Variants in AQP1 observed in about 807,000 individuals in gnomAD.
The protein encoded by AQP1 is aquaporin-1.
Under a neutral mutation model 19.7 loss-of-function variants are expected in AQP1, and 11 were observed. That is an observed-to-expected ratio of 0.56 (90% confidence interval 0.35 to 0.92). The LOEUF is 0.92. AQP1 is among the 40% of genes least tolerant of loss of function. AQP1 has a pLI of 0.01. For synonymous variants in AQP1, 159 were observed against 166.7 expected (o/e 0.95, Z 0.36); for missense variants, 320 against 369.7 (o/e 0.87, Z 1.10).
chr7:30,922,794 A>G, intron 3 of AQP1, 150 bp downstream of exon 3: 1 of 810,908 alleles, frequency 1.2e-6, no homozygotes, highest in Non-Finnish European at 2.1e-6. Context: ...ATGTAGAGGC[A>G]GGCTGGGGGT....
chr7:30,922,035 C>T, intron 1 of AQP1, 31 bp from the exon 2 acceptor site: 1 of 1,612,814 alleles, frequency 6.2e-7, no homozygotes, highest in Non-Finnish European at 8.5e-7. Context: ...CTACCCTCCT[C>T]ACCAGTCCTC....
rs1226432651 is a variant in AQP1 at position 30,912,564 on chromosome 7, G to C, written c.384+271G>C. On this transcript the variant is annotated intron_variant, in intron 1 of 3. Transcript: ENST00000311813. This position sits in a 1 kb window ranked among gnomAD's most constrained non-coding sequence, Gnocchi z 4.3. ...TCCCCTGCAGGGCATCTATTATGGGGAATAAGCTTGGCCAGCAGTTCCTCG... is the reference window on the plus strand; with the variant it reads ...TCCCCTGCAGGGCATCTATTATGGGCAATAAGCTTGGCCAGCAGTTCCTCG... Among the ~76,000 whole-genome samples the C allele has an allele frequency of 2.0e-5, 3 of 152,222 alleles. No individual in the cohort carries two copies. The highest frequency in any genetic ancestry group is 4.4e-5 in the Non-Finnish European group (3 of 68,042).
chr7:30,913,719 A>AGCCAACCTCTGCT (rs1791230550), intron 1 of AQP1, among the ~76,000 whole-genome samples: 1 of 152,186 alleles, frequency 6.6e-6, no homozygotes, highest in African/African-American at 2.4e-5. Context: ...CCTCCTCTGC[A>AGCCAACCTCTGCT]GCCAACCTCT....
intron 1 of AQP1, 78 bp from the exon 2 acceptor site, chr7:30,921,988 C>T (rs1791514353): frequency 5.0e-6 from 8 of 1,600,928 alleles, no homozygotes; most frequent in Non-Finnish European, 6.8e-6. Context: ...GCCTGGGAGG[C>T]CTGGGTATCC....
At chr7:30,918,284 G>A (rs761505228) in intron 1 of AQP1, among the ~76,000 whole-genome samples, 45 of 152,268 alleles carry the variant, frequency 3.0e-4, no homozygotes, top group Non-Finnish European at 4.3e-4. Context: ...GAGCCACCGC[G>A]CCTGGCCAGT....
chr7:30,912,389 G>A lies in AQP1; in HGVS notation c.384+96G>A. 6.6e-7 allele frequency: 1 copy of A among 1,524,048 alleles called. No homozygotes were observed. Among genetic ancestry groups the A allele is most frequent in the Non-Finnish European group, 8.8e-7 (1 of 1,131,466 alleles). The allele number at this position is 1,524,048 out of a possible 1,614,324, so 94.4% of individuals were successfully genotyped here. ...CCATTGTGCAGATGGGGACACTGAG[G>A]AACGGAGAGGACAAGAGGTTGCTGG... On this transcript the variant is annotated intron_variant, in intron 1 of 3. Coordinates refer to ENST00000311813, the MANE Select transcript of AQP1 (RefSeq NM_198098.4). The surrounding 1 kb of genome is among the most constrained non-coding windows in gnomAD (Gnocchi z 4.3).
intron 1 of AQP1, among the ~76,000 whole-genome samples, chr7:30,919,707 C>T (rs1791449490): frequency 6.6e-6 from 1 of 152,172 alleles, no homozygotes; most frequent in Non-Finnish European, 1.5e-5. Context: ...GGGTTGTAAA[C>T]AGTAACGTAC....
At chr7:30,921,546 C>G in intron 1 of AQP1, 1 of 1,535,222 alleles carries the variant, frequency 6.5e-7, no homozygotes, top group Non-Finnish European at 8.8e-7. Context: ...GTGGAGGGAG[C>G]CAGGACCTCA....
chr7:30,922,755 G>T, intron 3 of AQP1, 111 bp downstream of exon 3: 1 of 1,158,340 alleles, frequency 8.6e-7, no homozygotes, highest in Non-Finnish European at 1.3e-6. Flanking sequence ...ACAGCCAGAG[G>T]ACAGGAAATC....
chr7:30,914,140 C>A (rs927418566), intron 1 of AQP1, among the ~76,000 whole-genome samples: 1 of 152,206 alleles, frequency 6.6e-6, no homozygotes, highest in Non-Finnish European at 1.5e-5. Flanking sequence ...ACCAGCCTCC[C>A]GTGCCCCATT....
chr7:30,914,741 T>G (rs1271718822), intron 1 of AQP1, among the ~76,000 whole-genome samples: 2 of 150,668 alleles, frequency 1.3e-5, no homozygotes, highest in Non-Finnish European at 3.0e-5. Flanking sequence ...AGTCAAAACC[T>G]GGGTGGGGCA....
At position 30,911,957 on chromosome 7, in the gene AQP1, C is replaced by G. The variant is rs747080951; in HGVS notation, c.48C>G (p.Ala16=). The change falls in exon 1 of 4, where the codon GCC becomes GCG. Residue 16 remains alanine, a synonymous_variant. Coordinates refer to ENST00000311813, the MANE Select transcript of AQP1 (RefSeq NM_198098.4). ...AGCTCTTCTGGAGGGCAGTGGTGGC[C>G]GAGTTCCTGGCCACGACCCTCTTTG... The part of the protein sequence containing the change: ...KKKLFWRAVV[A]EFLATTLFVF... 4.3e-6 allele frequency: 7 copies of G among 1,613,368 alleles called. No homozygotes were observed. The highest frequency in any genetic ancestry group is 1.3e-5 in the African/African-American group (1 of 74,934).
rs28362736 is a variant in AQP1 at position 30,922,657 on chromosome 7, C to CG, written c.630+19dup. ...CAGCAACCACTGGGTAGGAGACCCA[C>CG]GGGGGGTGGGGTGGGAAGCTTTGGT... On this transcript the variant is annotated intron_variant, in intron 3 of 3. Coordinates refer to ENST00000311813, the MANE Select transcript of AQP1 (RefSeq NM_198098.4). 7 of 1,611,910 alleles carry CG rather than the reference C, an allele frequency of 4.3e-6. No individual in the cohort carries two copies. Among genetic ancestry groups the CG allele is most frequent in the East Asian group, 2.2e-5 (1 of 44,852 alleles).
chr7:30,913,212 C>T (rs545810778), intron 1 of AQP1: 3 of 152,394 alleles, frequency 2.0e-5, no homozygotes, highest in Admixed American at 6.5e-5. Flanking sequence ...AAGAATGTCT[C>T]CTGGGCTGCT....
At chr7:30,915,099 G>A (rs1026354753) in intron 1 of AQP1, among the ~76,000 whole-genome samples, 1 of 152,190 alleles carries the variant, frequency 6.6e-6, no homozygotes, top group African/African-American at 2.4e-5. Flanking sequence ...GACATAGCAG[G>A]GTGTGGCTGG....
chr7:30,922,801 G>A (rs1242862543), intron 3 of AQP1, among the ~76,000 whole-genome samples, 157 bp downstream of exon 3: 1 of 152,208 alleles, frequency 6.6e-6, no homozygotes, highest in Non-Finnish European at 1.5e-5. Context: ...GGCAGGCTGG[G>A]GGTCACACTG....
chr7:30,920,603 G>A (rs918330440), intron 1 of AQP1, among the ~76,000 whole-genome samples: 1 of 152,250 alleles, frequency 6.6e-6, no homozygotes, highest in Non-Finnish European at 1.5e-5. Flanking sequence ...GCTCTGGAGA[G>A]CAGGCACGGA....
At chr7:30,920,727 G>T (rs891882690) in intron 1 of AQP1, among the ~76,000 whole-genome samples, 2 of 152,212 alleles carry the variant, frequency 1.3e-5, no homozygotes, top group East Asian at 1.9e-4. Context: ...TGCCTCTTTG[G>T]CCCAACCTTG....
At position 30,912,645 on chromosome 7, in the gene AQP1, T is replaced by C. The variant is rs796355316; in HGVS notation, c.384+352T>C. On this transcript the variant is annotated intron_variant, in intron 1 of 3. Coordinates refer to ENST00000311813, the MANE Select transcript of AQP1 (RefSeq NM_198098.4). This position sits in a 1 kb window ranked among gnomAD's most constrained non-coding sequence, Gnocchi z 4.3. The stretch of plus-strand genomic sequence containing the variant: ...AGTCCTGCCTGTGCCGCCAGCTCCC[T>C]CCTCCTGCAGCCCTGCACCCTGGGG... Among the ~76,000 whole-genome samples the C allele has an allele frequency of 7.9e-5, 12 of 152,278 alleles. 1 individual carries two copies. The highest frequency in any genetic ancestry group is 2.9e-4 in the African/African-American group (12 of 41,564).
Sources: gnomAD v4.1 joint callset for allele counts (sites outside exome capture counted in the v4.1 genomes callset) on GRCh38, gnomAD v4.1.1 for gene constraint, Gnocchi (gnomAD v3.1) non-coding constraint, MANE v1.5 for transcripts, NCBI Gene and HGNC (gene_info 2026-07-23, HGNC 2026-07-21) for gene names.